Variants in RYR2 observed in about 807,000 individuals in gnomAD.
The protein encoded by RYR2 is cardiac muscle ryanodine receptor-calcium release channel.
Under a neutral mutation model 601.1 loss-of-function variants are expected in RYR2, and 227 were observed. The observed-to-expected ratio is 0.38, with a 90% CI of 0.34 to 0.42. RYR2 has a LOEUF of 0.42. Ranked by LOEUF, RYR2 falls within the 10% of genes least tolerant of loss-of-function variation. The pLI is 1.00. For synonymous variants in RYR2, 2,223 were observed against 2,175.1 expected (o/e 1.02, Z -0.61); for missense variants, 4,646 against 6,156.5 (o/e 0.75, Z 8.21).
chr1:237,212,041 C>T (rs1436810573), intron 1 of RYR2, among the ~76,000 whole-genome samples: 1 of 151,756 alleles, frequency 6.6e-6, no homozygotes, highest in Admixed American at 6.6e-5. Flanking sequence ...TGGCAGATGG[C>T]TAAGCATTAA....
chr1:237,762,778 C>T (rs1205204459), intron 84 of RYR2, among the ~76,000 whole-genome samples: 16 of 152,180 alleles, frequency 1.1e-4, no homozygotes, highest in Non-Finnish European at 4.4e-5. Flanking sequence ...CCGATTAACA[C>T]GTTTTGTATT....
chr1:237,575,934 A>G (rs187511840), intron 29 of RYR2, among the ~76,000 whole-genome samples: 3 of 152,188 alleles, frequency 2.0e-5, no homozygotes, highest in African/African-American at 7.2e-5. Context: ...GGAGTGTTTC[A>G]CAAGGTAGAA....
chr1:237,514,193 G>T (rs1287478863), intron 24 of RYR2, among the ~76,000 whole-genome samples: 1 of 152,180 alleles, frequency 6.6e-6, no homozygotes, highest in Non-Finnish European at 1.5e-5. Flanking sequence ...AAAGGTCAAG[G>T]TCTAACATAA....
At position 237,593,630 on chromosome 1, in the gene RYR2, A is replaced by G. The variant is rs1461139776; in HGVS notation, c.4430A>G (p.His1477Arg). 3 of 1,613,684 alleles carry G rather than the reference A, an allele frequency of 1.9e-6. No homozygotes were observed. The highest frequency in any genetic ancestry group is 2.2e-5 in the East Asian group (1 of 44,854). The change falls in exon 33 of 105, where the codon CAT becomes CGT. Residue 1477 changes from histidine (H) to arginine (R), a missense_variant. His to Arg is a conservative substitution (Grantham distance 29, BLOSUM62 0). Coordinates refer to ENST00000366574, the MANE Select transcript of RYR2 (RefSeq NM_001035.3). ...CTAGGAGATGAAAAAGGAAAAGTGC[A>G]TGAAAGGTTAGTTTTCCTCAATTTT... ...VTLGDEKGKV[H>R]ESIKRSNCYM...
chr1:237,798,204 A>AGATT (rs1659507046), intron 97 of RYR2, 34 bp downstream of exon 97: 3 of 1,579,852 alleles, frequency 1.9e-6, no homozygotes, highest in East Asian at 2.3e-5. Flanking sequence ...CTACAGACTT[A>AGATT]GATTGAAAGG....
At chr1:237,556,880 CAAAAAAAAAAAAAAAAA>C (rs869116177) in intron 27 of RYR2, among the ~76,000 whole-genome samples, 3 of 77,840 alleles carry the variant, frequency 3.9e-5, no homozygotes, top group Non-Finnish European at 7.0e-5. Flanking sequence ...TCCCTCCCAC[CAAAAAAAAAAAAAAAAA>C]AAAAAAAAAA....
intron 1 of RYR2, among the ~76,000 whole-genome samples, chr1:237,208,973 TA>T (rs1682199868): frequency 9.3e-6 from 1 of 107,536 alleles, no homozygotes; most frequent in Admixed American, 1.0e-4. Flanking sequence ...TATATATATA[TA>T]TATATATATA....
At chr1:237,449,094 G>A (rs1657750633) in intron 14 of RYR2, among the ~76,000 whole-genome samples, 2 of 152,084 alleles carry the variant, frequency 1.3e-5, no homozygotes, top group African/African-American at 2.4e-5. Flanking sequence ...CCTTACACGG[G>A]AGCGTGAGAG....
intron 54 of RYR2, 54 bp downstream of exon 54, chr1:237,658,076 G>C (rs1683425901): frequency 9.9e-7 from 1 of 1,011,586 alleles, no homozygotes; most frequent in Non-Finnish European, 1.4e-6. Flanking sequence ...ACTGGTCACT[G>C]TTCAAATATT....
chr1:237,604,633 G>C (rs1676898352), intron 35 of RYR2, among the ~76,000 whole-genome samples: 1 of 152,124 alleles, frequency 6.6e-6, no homozygotes, highest in Non-Finnish European at 1.5e-5. Flanking sequence ...GAATCCAGGA[G>C]CTGGTTTTTT....
At chr1:237,756,868 A>G (rs537954223) in intron 81 of RYR2, among the ~76,000 whole-genome samples, 4 of 152,324 alleles carry the variant, frequency 2.6e-5, no homozygotes, top group Admixed American at 6.5e-5. Flanking sequence ...GGCAAGCTGT[A>G]ATTTTTTTAT....
At chr1:237,119,989 T>G (rs1467018038) in intron 1 of RYR2, among the ~76,000 whole-genome samples, 2 of 152,212 alleles carry the variant, frequency 1.3e-5, no homozygotes, top group Admixed American at 1.3e-4. Flanking sequence ...TTTTGGGTCA[T>G]GTAGACAGGA....
chr1:237,423,024 A>G (rs1483440909), intron 11 of RYR2, 68 bp from the exon 12 acceptor site: 1 of 1,527,816 alleles, frequency 6.5e-7, no homozygotes, highest in Non-Finnish European at 8.8e-7. Context: ...TGTCCGACAT[A>G]TGTTTTAATA....
chr1:237,079,731 C>T (rs1665390973), intron 1 of RYR2, among the ~76,000 whole-genome samples: 1 of 141,908 alleles, frequency 7.0e-6, no homozygotes, highest in South Asian at 2.1e-4. Context: ...TCAATGCCAT[C>T]CCCATCAAGC....
intron 1 of RYR2, among the ~76,000 whole-genome samples, chr1:237,157,295 C>CA (rs33922740): frequency 0.013 from 831 of 63,474 alleles, 31 homozygotes; most frequent in Middle Eastern, 0.029. Context: ...GACTCCATCT[C>CA]AAAAAAAAAA....
At chr1:237,623,722 TTTCTTCCTCC>T (rs1679346369) in intron 38 of RYR2, 33 bp from the exon 39 acceptor site, 1 of 1,346,524 alleles carries the variant, frequency 7.4e-7, no homozygotes, top group Admixed American at 1.7e-5. Context: ...TCACCTTTCT[TTTCTTCCTCC>T]TTCTTCCTCT....
chr1:237,699,979 G>A (rs2149029902), intron 64 of RYR2, among the ~76,000 whole-genome samples: 1 of 152,312 alleles, frequency 6.6e-6, no homozygotes, highest in South Asian at 2.1e-4. Flanking sequence ...TAAGCATACA[G>A]CATTAGCACA....
intron 65 of RYR2, among the ~76,000 whole-genome samples, chr1:237,701,542 A>T (rs1293257028): frequency 6.6e-6 from 1 of 151,292 alleles, no homozygotes; most frequent in Non-Finnish European, 1.5e-5. Flanking sequence ...AAAAAAAAGC[A>T]GATGTGCCTT....
In RYR2 at chr1:237,350,602, AATATATATATATATAT is replaced by A. The variant is rs1177777241; in HGVS notation, c.274-5346_274-5331del. 2.8e-3 allele frequency among the ~76,000 whole-genome samples: 104 copies of A among 37,000 alleles called. 1 individual carries two copies. The highest frequency in any genetic ancestry group is 6.2e-3 in the African/African-American group (60 of 9,726). 24.3% of individuals were successfully genotyped at this position (37,000 alleles called of 152,430 possible). ...AAAAAAAAAAAAAAAAAAAAAAAAA[AATATATATATATATAT>A]ATATATATATATATATCTCTGACCT... On this transcript the variant is annotated intron_variant, in intron 3 of 104. Coordinates refer to ENST00000366574, the MANE Select transcript of RYR2 (RefSeq NM_001035.3).
Sources: gnomAD v4.1 joint callset for allele counts (sites outside exome capture counted in the v4.1 genomes callset) on GRCh38, gnomAD v4.1.1 for gene constraint, MANE v1.5 for transcripts, NCBI Gene and HGNC (gene_info 2026-07-23, HGNC 2026-07-21) for gene names.